Variants in CA8 observed in about 807,000 individuals in gnomAD.
CA8 encodes carbonic anhydrase-related protein.
CA8 carries 22 observed loss-of-function variants against 41.4 expected under a neutral mutation model. The ratio of observed to expected loss-of-function variants is 0.53; its 90% CI spans 0.38 to 0.76. CA8 has a LOEUF of 0.76. Ranked by LOEUF, CA8 falls within the 30% of genes least tolerant of loss-of-function variation. The pLI, the probability that CA8 is intolerant of heterozygous loss-of-function variation, is 0.00. For missense variants in CA8, 270 were observed against 352.8 expected (o/e 0.77, Z 1.88); for synonymous variants, 121 against 130.6 (o/e 0.93, Z 0.50).
intron 2 of CA8, among the ~76,000 whole-genome samples, chr8:60,269,137 A>G (rs1247949595): frequency 6.6e-6 from 1 of 152,232 alleles, no homozygotes; most frequent in Non-Finnish European, 1.5e-5. Flanking sequence ...TTCATCCCCC[A>G]AGAATGATTG....
chr8:60,256,206 G>A (rs550848991), intron 3 of CA8, among the ~76,000 whole-genome samples: 248 of 152,142 alleles, frequency 1.6e-3, no homozygotes, highest in African/African-American at 5.6e-3. Flanking sequence ...CGCCACACTC[G>A]GCCTAAACGG....
chr8:60,278,329 C>A (rs543462226), intron 2 of CA8, among the ~76,000 whole-genome samples: 1 of 152,284 alleles, frequency 6.6e-6, no homozygotes, highest in East Asian at 1.9e-4. Flanking sequence ...GGCTATGAAT[C>A]CTCAAGAACT....
chr8:60,262,425 C>A (rs563357282), intron 3 of CA8, among the ~76,000 whole-genome samples: 2 of 151,956 alleles, frequency 1.3e-5, no homozygotes, highest in South Asian at 4.2e-4. Context: ...AAGGAGCTTT[C>A]CACAGCCACC....
chr8:60,259,743 T>G (rs1320769715), intron 3 of CA8, among the ~76,000 whole-genome samples: 1 of 150,972 alleles, frequency 6.6e-6, no homozygotes, highest in African/African-American at 2.4e-5. Context: ...TTGTTTGCTT[T>G]TTTTTTTTTT....
rs1806010407 is a variant in CA8 at position 60,188,011 on chromosome 8, G to A, written c.*2010C>T. 1 of 152,052 alleles carries A rather than the reference G, an allele frequency of 6.6e-6. No homozygotes were observed. Among genetic ancestry groups the A allele is most frequent in the African/African-American group, 2.4e-5 (1 of 41,388 alleles). The allele number at this position is 152,052 out of a possible 1,614,324, so 9.4% of individuals were successfully genotyped here. A position where few individuals can be genotyped will look rare whatever the true frequency, so the allele number is the denominator to read the frequency against. On this transcript the variant is annotated 3_prime_UTR_variant, in exon 9 of 9. Transcript: ENST00000317995. ...AACAGTATTCATATTCTGAATCTGA[G>A]GTAACTAACTGTGGAATTAAAGGAT...
intron 2 of CA8, among the ~76,000 whole-genome samples, chr8:60,271,440 A>G (rs1804070244): frequency 6.6e-6 from 1 of 152,226 alleles, no homozygotes; most frequent in Non-Finnish European, 1.5e-5. Context: ...CTTCAGTGAA[A>G]ATAATTTTTA....
intron 7 of CA8, among the ~76,000 whole-genome samples, chr8:60,217,999 T>C (rs925012812): frequency 6.6e-6 from 1 of 152,210 alleles, no homozygotes; most frequent in Non-Finnish European, 1.5e-5. Context: ...CCAACCTCCA[T>C]GGCACAGCCC....
At chr8:60,272,238 C>A (rs1804095960) in intron 2 of CA8, among the ~76,000 whole-genome samples, 1 of 152,190 alleles carries the variant, frequency 6.6e-6, no homozygotes, top group Non-Finnish European at 1.5e-5. Flanking sequence ...GTCTTCCCCT[C>A]CTTTTCCACT....
At chr8:60,238,019 G>T (rs925179385) in intron 3 of CA8, among the ~76,000 whole-genome samples, 1 of 152,280 alleles carries the variant, frequency 6.6e-6, no homozygotes. Context: ...GAAAATCTTG[G>T]ACCGAGCTTT....
intron 3 of CA8, among the ~76,000 whole-genome samples, chr8:60,239,107 G>A (rs1240842133): frequency 6.6e-6 from 1 of 152,182 alleles, no homozygotes; most frequent in Non-Finnish European, 1.5e-5. Flanking sequence ...GGTGTTTTGA[G>A]GGTTTGGTTT....
At position 60,236,952 on chromosome 8, in the gene CA8, T is replaced by C. The variant is rs147840365; in HGVS notation, c.418-4573A>G. On this transcript the variant is annotated intron_variant, in intron 3 of 8. Coordinates refer to ENST00000317995, the MANE Select transcript of CA8 (RefSeq NM_004056.6). ...GCAGTACATCTTATGAACTGGCTTA[T>C]TAAGGTCCAAGTAGACAGCTATTAT... 9.9e-4 allele frequency among the ~76,000 whole-genome samples: 151 copies of C among 152,300 alleles called. 1 individual carries two copies. Among genetic ancestry groups the C allele is most frequent in the African/African-American group, 3.5e-3 (145 of 41,564 alleles).
chr8:60,213,203 T>A (rs922769399), intron 7 of CA8, among the ~76,000 whole-genome samples: 2 of 152,212 alleles, frequency 1.3e-5, no homozygotes, highest in Non-Finnish European at 2.9e-5. Context: ...TCTTTTCAAT[T>A]TTTTTGAGGA....
At chr8:60,274,084 G>A (rs937924139) in intron 2 of CA8, among the ~76,000 whole-genome samples, 1 of 152,024 alleles carries the variant, frequency 6.6e-6, no homozygotes, top group Non-Finnish European at 1.5e-5. Context: ...CCTCAGGGAG[G>A]GCTGAGGTTT....
intron 2 of CA8, among the ~76,000 whole-genome samples, chr8:60,273,382 G>A (rs527554633): frequency 2.0e-5 from 3 of 152,344 alleles, no homozygotes; most frequent in African/African-American, 7.2e-5. Context: ...CCTTCCCTGA[G>A]CTATTCAAGC....
At chr8:60,236,923 G>GC (rs1807849712) in intron 3 of CA8, among the ~76,000 whole-genome samples, 1 of 152,156 alleles carries the variant, frequency 6.6e-6, no homozygotes, top group African/African-American at 2.4e-5. Flanking sequence ...CGATGAAGTG[G>GC]CCTGCAGTAC....
chr8:60,273,118 T>TTATCAATAAGTAAGTATTGA (rs1804122622), intron 2 of CA8, among the ~76,000 whole-genome samples: 1 of 152,138 alleles, frequency 6.6e-6, no homozygotes, highest in Admixed American at 6.5e-5. Context: ...ATAATTCCCA[T>TTATCAATAAGTAAGTATTGA]AGTAAATTAT....
chr8:60,206,399 A>C (rs1806581682), intron 8 of CA8, among the ~76,000 whole-genome samples: 1 of 152,108 alleles, frequency 6.6e-6, no homozygotes, highest in African/African-American at 2.4e-5. Context: ...ATAGTCATTT[A>C]GATATTTAGA....
chr8:60,275,493 G>T (rs766420786), intron 2 of CA8, among the ~76,000 whole-genome samples: 1 of 151,704 alleles, frequency 6.6e-6, no homozygotes, highest in African/African-American at 2.4e-5. Context: ...TAATTGCAGC[G>T]TAAGTTCAAT....
intron 7 of CA8, among the ~76,000 whole-genome samples, chr8:60,220,246 G>C (rs1304005804): frequency 5.9e-5 from 9 of 152,170 alleles, no homozygotes; most frequent in South Asian, 4.1e-4. Flanking sequence ...TACTTACCTG[G>C]AGGAACCAGA....
Sources: gnomAD v4.1 joint callset for allele counts (sites outside exome capture counted in the v4.1 genomes callset) on GRCh38, gnomAD v4.1.1 for gene constraint, MANE v1.5 for transcripts, NCBI Gene and HGNC (gene_info 2026-07-23, HGNC 2026-07-21) for gene names.